Variants in MATN2 observed in about 807,000 individuals in gnomAD.
MATN2 encodes matrilin 2, also known as matrilin-2.
A neutral mutation model predicts 103.2 loss-of-function variants in MATN2; 69 were observed. The observed-to-expected ratio is 0.67, with a 90% CI of 0.55 to 0.82. The LOEUF (loss-of-function observed/expected upper bound fraction) is 0.82. Ranked by LOEUF, MATN2 falls within the 40% of genes least tolerant of loss-of-function variation. The pLI is 0.00. For missense variants in MATN2, 1,023 were observed against 1,211.5 expected, an observed-to-expected ratio of 0.84 and a Z score of 2.31; for synonymous variants, 429 against 450.2, an observed-to-expected ratio of 0.95 and a Z score of 0.60.
chr8:97,906,997 CTTTTTT>C (rs61459656), intron 2 of MATN2, among the ~76,000 whole-genome samples: 1 of 116,144 alleles, frequency 8.6e-6, no homozygotes, highest in African/African-American at 3.5e-5. Flanking sequence ...CCATAGCTGA[CTTTTTT>C]TTTTTTTTTT....
intron 3 of MATN2, among the ~76,000 whole-genome samples, chr8:97,938,901 G>C (rs1354415055): frequency 6.6e-6 from 1 of 151,882 alleles, no homozygotes; most frequent in Non-Finnish European, 1.5e-5. Context: ...TTTATTTTTT[G>C]AGACAGAGTC....
chr8:97,938,184 A>G (rs1810441307), intron 3 of MATN2, among the ~76,000 whole-genome samples: 2 of 152,124 alleles, frequency 1.3e-5, no homozygotes, highest in Non-Finnish European at 2.9e-5. Context: ...TTAATTATGG[A>G]GAGAGACAGT....
intron 4 of MATN2, among the ~76,000 whole-genome samples, chr8:97,956,134 C>G (rs1394109262): frequency 6.6e-6 from 1 of 152,284 alleles, no homozygotes; most frequent in East Asian, 1.9e-4. Context: ...GCAGGGCTAT[C>G]CTTATAGGCA....
chr8:97,922,557 G>T (rs1371384983), intron 2 of MATN2, among the ~76,000 whole-genome samples: 1 of 152,204 alleles, frequency 6.6e-6, no homozygotes, highest in Non-Finnish European at 1.5e-5. Context: ...TTGGTAGAAG[G>T]ATTCTATTTC....
chr8:97,938,230 C>T (rs1418633809), intron 3 of MATN2, among the ~76,000 whole-genome samples: 2 of 152,050 alleles, frequency 1.3e-5, no homozygotes, highest in African/African-American at 4.8e-5. Context: ...GTCCTCTGCC[C>T]GTGGGTAATT....
chr8:97,875,538 C>A (rs1438400335), intron 1 of MATN2, among the ~76,000 whole-genome samples: 1 of 152,160 alleles, frequency 6.6e-6, no homozygotes. Context: ...GATCTGCACC[C>A]ATAGCCCCCT....
At chr8:98,026,178 C>CAAAAAAAAAAAAAAA (rs71271184) in intron 13 of MATN2, among the ~76,000 whole-genome samples, 1 of 109,720 alleles carries the variant, frequency 9.1e-6, no homozygotes, top group African/African-American at 3.1e-5. Context: ...GACTCAATCT[C>CAAAAAAAAAAAAAAA]AAAAAAAAAA....
At chr8:97,969,522 AG>A (rs1811588519) in intron 5 of MATN2, among the ~76,000 whole-genome samples, 1 of 152,174 alleles carries the variant, frequency 6.6e-6, no homozygotes, top group Admixed American at 6.5e-5. Flanking sequence ...GAGTGAGAAG[AG>A]AGTGAAGGAC....
intron 4 of MATN2, among the ~76,000 whole-genome samples, chr8:97,949,572 C>T (rs1439944067): frequency 6.6e-6 from 1 of 152,164 alleles, no homozygotes; most frequent in African/African-American, 2.4e-5. Context: ...AATGGTTCAG[C>T]CACTCTGGAA....
At chr8:97,959,109 A>G (rs1221486039) in intron 4 of MATN2, among the ~76,000 whole-genome samples, 1 of 152,176 alleles carries the variant, frequency 6.6e-6, no homozygotes, top group Non-Finnish European at 1.5e-5. Flanking sequence ...GATTCTTATC[A>G]TGTCCTACCT....
chr8:98,018,566 G>A (rs1002846089), intron 12 of MATN2, among the ~76,000 whole-genome samples: 4 of 152,170 alleles, frequency 2.6e-5, no homozygotes, highest in African/African-American at 9.7e-5. Context: ...CCGAGACTGG[G>A]CAATTTACAA....
At chr8:97,937,698 C>T (rs1371792839) in intron 3 of MATN2, among the ~76,000 whole-genome samples, 5 of 147,470 alleles carry the variant, frequency 3.4e-5, no homozygotes, top group African/African-American at 5.1e-5. Flanking sequence ...AAGCAATTCT[C>T]CTGCCTCAGC....
intron 2 of MATN2, among the ~76,000 whole-genome samples, chr8:97,907,544 G>A (rs548606576): frequency 5.4e-5 from 8 of 148,858 alleles, no homozygotes; most frequent in Admixed American, 1.3e-4. Flanking sequence ...GGATGGCCTC[G>A]ATCTCCTGAC....
At chr8:97,971,789 T>C (rs181277393) in intron 5 of MATN2, among the ~76,000 whole-genome samples, 1 of 152,268 alleles carries the variant, frequency 6.6e-6, no homozygotes, top group East Asian at 1.9e-4. Context: ...TGAAATACAT[T>C]TTCTTGAAGC....
At chr8:97,974,847 A>T (rs1385633720) in intron 5 of MATN2, among the ~76,000 whole-genome samples, 1 of 152,212 alleles carries the variant, frequency 6.6e-6, no homozygotes, top group African/African-American at 2.4e-5. Context: ...AATGGCTCTT[A>T]AGTTTTAGCG....
rs1345095693 is a variant in MATN2 at position 97,931,778 on chromosome 8, CTG to C, written c.712+258_712+259del. On this transcript the variant is annotated intron_variant, in intron 3 of 18. Coordinates refer to ENST00000254898, the MANE Select transcript of MATN2 (RefSeq NM_002380.5). The surrounding 1 kb of genome is among the most constrained non-coding windows in gnomAD (Gnocchi z 4.1). ...AGTGCAGTGGCATGATCACAGCTCA[CTG>C]TAACCTCAAACTCCTGGGCTTAGGT... Among the ~76,000 whole-genome samples, 5 of 152,228 alleles carry C rather than the reference CTG, an allele frequency of 3.3e-5. No individual in the cohort carries two copies. The highest frequency in any genetic ancestry group is 2.6e-4 in the Admixed American group (4 of 15,286).
intron 12 of MATN2, among the ~76,000 whole-genome samples, chr8:98,019,020 TTATATATAAATATAATAGAAGACATA>T (rs1813476098): frequency 2.0e-5 from 3 of 149,700 alleles, no homozygotes. Context: ...TCATCTTCTA[TTATATATAAATATAATAGAAGACATA>T]TATATAATAT....
intron 2 of MATN2, among the ~76,000 whole-genome samples, chr8:97,917,279 C>T (rs1358789247): frequency 1.3e-5 from 2 of 152,248 alleles, no homozygotes; most frequent in East Asian, 1.9e-4. Flanking sequence ...TGCCAGCACA[C>T]TCACCTGTCT....
chr8:98,028,046 G>C (rs1309707915), intron 14 of MATN2, among the ~76,000 whole-genome samples: 1 of 152,174 alleles, frequency 6.6e-6, no homozygotes, highest in African/African-American at 2.4e-5. Context: ...CTGGCTACTA[G>C]AAGGGTAGGC....
Sources: gnomAD v4.1 joint callset for allele counts (sites outside exome capture counted in the v4.1 genomes callset) on GRCh38, gnomAD v4.1.1 for gene constraint, Gnocchi (gnomAD v3.1) non-coding constraint, MANE v1.5 for transcripts, NCBI Gene and HGNC (gene_info 2026-07-23, HGNC 2026-07-21) for gene names.